The following AGBL4 variants were observed in gnomAD, a reference collection of about 807,000 sequenced individuals.
The protein encoded by AGBL4 is cytosolic carboxypeptidase 6.
In AGBL4, 58 loss-of-function variants were observed where a neutral mutation model predicts 66.4. That is an observed-to-expected ratio of 0.87 (90% CI 0.71 to 1.09). AGBL4 has a LOEUF of 1.09. AGBL4 is among the 50% of genes least tolerant of loss of function. The pLI, the probability that AGBL4 is intolerant of heterozygous loss-of-function variation, is 0.00. For synonymous variants in AGBL4, 234 were observed against 222.9 expected (o/e 1.05, Z -0.44); for missense variants, 579 against 631.0 (o/e 0.92, Z 0.88).
chr1:49,233,122 A>G (rs1225752155), intron 4 of AGBL4, among the ~76,000 whole-genome samples: 1 of 152,204 alleles, frequency 6.6e-6, no homozygotes, highest in Non-Finnish European at 1.5e-5. Flanking sequence ...TTCTTTCATC[A>G]TCACAAATCT....
At position 48,962,767 on chromosome 1, in the gene AGBL4, T is replaced by C. The variant is rs1454331047; in HGVS notation, c.594+82817A>G. ...GGTTCAGTAACTTATGAGTAAGCCATTTAACATCAGAACATCCATTTCTTC... is the reference window on the plus strand; with the variant it reads ...GGTTCAGTAACTTATGAGTAAGCCACTTAACATCAGAACATCCATTTCTTC... On this transcript the variant is annotated intron_variant, in intron 5 of 13. Coordinates refer to ENST00000371839, the MANE Select transcript of AGBL4 (RefSeq NM_032785.4). 2.6e-5 allele frequency among the ~76,000 whole-genome samples: 4 copies of C among 152,200 alleles called. No homozygotes were observed. The East Asian group carries it at 7.7e-4, about 29-fold the overall frequency.
chr1:48,955,489 CT>C (rs1226976087), intron 5 of AGBL4, among the ~76,000 whole-genome samples: 1 of 152,136 alleles, frequency 6.6e-6, no homozygotes, highest in Non-Finnish European at 1.5e-5. Context: ...TATTTGAAAA[CT>C]TTGTATGCCA....
chr1:49,963,894 T>C (rs1450884333), intron 1 of AGBL4, among the ~76,000 whole-genome samples: 1 of 151,652 alleles, frequency 6.6e-6, no homozygotes, highest in Admixed American at 6.6e-5. Context: ...TCTTCAAAAA[T>C]GCAATGGAAT....
At chr1:49,104,794 T>G (rs1197979193) in intron 4 of AGBL4, among the ~76,000 whole-genome samples, 1 of 152,188 alleles carries the variant, frequency 6.6e-6, no homozygotes, top group Admixed American at 6.5e-5. Context: ...GAGAACAGTT[T>G]TTATAGTTTT....
intron 6 of AGBL4, among the ~76,000 whole-genome samples, chr1:48,806,177 A>C (rs1283748889): frequency 2.0e-5 from 3 of 152,310 alleles, no homozygotes; most frequent in East Asian, 3.9e-4. Context: ...ATACACATTT[A>C]CTACATGCCT....
At chr1:49,611,571 G>C (rs1645155920) in intron 3 of AGBL4, among the ~76,000 whole-genome samples, 1 of 151,838 alleles carries the variant, frequency 6.6e-6, no homozygotes, top group Non-Finnish European at 1.5e-5. Context: ...TAGAGACAGG[G>C]TTTCACCATG....
At chr1:48,561,495 T>C (rs1644396829) in intron 11 of AGBL4, among the ~76,000 whole-genome samples, 1 of 152,210 alleles carries the variant, frequency 6.6e-6, no homozygotes, top group African/African-American at 2.4e-5. Context: ...CATGTGATGG[T>C]TCATTTTATG....
intron 3 of AGBL4, among the ~76,000 whole-genome samples, chr1:49,487,860 C>T (rs564870036): frequency 6.6e-6 from 1 of 151,894 alleles, no homozygotes; most frequent in South Asian, 2.1e-4. Context: ...TGAGTACCGA[C>T]CCCATGATCA....
At chr1:49,350,208 TG>T (rs1295910169) in intron 3 of AGBL4, among the ~76,000 whole-genome samples, 9 of 151,374 alleles carry the variant, frequency 5.9e-5, no homozygotes, top group South Asian at 2.1e-4. Flanking sequence ...TGTTTTGTTT[TG>T]TTTTTTTTTT....
At chr1:48,931,632 A>C (rs947437853) in intron 5 of AGBL4, among the ~76,000 whole-genome samples, 1 of 151,498 alleles carries the variant, frequency 6.6e-6, no homozygotes, top group Non-Finnish European at 1.5e-5. Flanking sequence ...TGGTCCTTAG[A>C]CCTCAGCCTT....
At chr1:48,637,194 T>C (rs1645680921) in intron 8 of AGBL4, among the ~76,000 whole-genome samples, 1 of 152,234 alleles carries the variant, frequency 6.6e-6, no homozygotes, top group Non-Finnish European at 1.5e-5. Context: ...GTCTGTATTA[T>C]TATTTTATGC....
At chr1:49,827,739 T>C (rs1217196476) in intron 2 of AGBL4, among the ~76,000 whole-genome samples, 1 of 152,178 alleles carries the variant, frequency 6.6e-6, no homozygotes, top group Non-Finnish European at 1.5e-5. Flanking sequence ...AATTTAAATG[T>C]TGACAAACTC....
intron 3 of AGBL4, among the ~76,000 whole-genome samples, chr1:49,285,810 T>A (rs2148414861): frequency 6.6e-6 from 1 of 152,144 alleles, no homozygotes; most frequent in African/African-American, 2.4e-5. Context: ...ACTCTCCCTC[T>A]GAAACTATTC....
At chr1:49,346,859 G>A (rs1228307005) in intron 3 of AGBL4, among the ~76,000 whole-genome samples, 1 of 152,162 alleles carries the variant, frequency 6.6e-6, no homozygotes, top group East Asian at 1.9e-4. Context: ...TAGAAGCTGG[G>A]TAAAATGAGA....
At chr1:49,124,051 G>A (rs1032654983) in intron 4 of AGBL4, among the ~76,000 whole-genome samples, 1 of 152,202 alleles carries the variant, frequency 6.6e-6, no homozygotes, top group African/African-American at 2.4e-5. Context: ...TAGAGATGAA[G>A]CTGGAAAGAT....
At chr1:48,948,020 T>C (rs1328425119) in intron 5 of AGBL4, among the ~76,000 whole-genome samples, 1 of 152,022 alleles carries the variant, frequency 6.6e-6, no homozygotes, top group Non-Finnish European at 1.5e-5. Flanking sequence ...GAAACATACG[T>C]AGGTGAAACA....
intron 2 of AGBL4, among the ~76,000 whole-genome samples, chr1:49,732,675 C>G (rs571686719): frequency 1.7e-4 from 26 of 151,950 alleles, no homozygotes; most frequent in African/African-American, 6.0e-4. Flanking sequence ...TTTGAGGTGA[C>G]AGAAGAAAAA....
At chr1:49,576,400 C>T (rs1323664685) in intron 3 of AGBL4, among the ~76,000 whole-genome samples, 1 of 152,146 alleles carries the variant, frequency 6.6e-6, no homozygotes, top group Non-Finnish European at 1.5e-5. Context: ...CTGTTTGGAG[C>T]CTTTAGCAGG....
At chr1:48,787,719 G>T (rs1334855340) in intron 6 of AGBL4, among the ~76,000 whole-genome samples, 4 of 152,142 alleles carry the variant, frequency 2.6e-5, no homozygotes, top group East Asian at 1.9e-4. Context: ...TCAAGGAAAA[G>T]AAATGGCAAG....
Sources: gnomAD v4.1 joint callset for allele counts (sites outside exome capture counted in the v4.1 genomes callset) on GRCh38, gnomAD v4.1.1 for gene constraint, MANE v1.5 for transcripts, NCBI Gene and HGNC (gene_info 2026-07-23, HGNC 2026-07-21) for gene names.